The following ECHS1 variants were observed in gnomAD, a reference collection of about 807,000 sequenced individuals.
ECHS1 encodes the protein enoyl-CoA hydratase, short chain 1.
In ECHS1, 19 loss-of-function variants were observed where a neutral mutation model predicts 33.5. The observed-to-expected ratio is 0.57, with a 90% CI of 0.40 to 0.83. The LOEUF is 0.83. Among genes scored for constraint, ECHS1 ranks in the 40% least tolerant of loss-of-function variants. ECHS1 has a pLI of 0.00. For synonymous variants in ECHS1, 158 were observed against 146.6 expected, an observed-to-expected ratio of 1.08 and a Z score of -0.56; for missense variants, 365 against 381.3, an observed-to-expected ratio of 0.96 and a Z score of 0.36.
chr10:133,370,182 T>G, intron 2 of ECHS1, 151 bp from the exon 3 acceptor site: 1 of 1,127,208 alleles, frequency 8.9e-7, no homozygotes, highest in Non-Finnish European at 1.2e-6. Flanking sequence ...TGGACAGCTG[T>G]AGGGACGCTG....
chr10:133,368,366 C>T (rs74164167), intron 4 of ECHS1, among the ~76,000 whole-genome samples: 5,947 of 146,354 alleles, frequency 0.041, 317 homozygotes, highest in African/African-American at 0.13. Context: ...CAGAGGGCAG[C>T]GAAGGGCACC....
chr10:133,365,345 C>T (rs555137170), intron 6 of ECHS1, among the ~76,000 whole-genome samples: 114 of 152,340 alleles, frequency 7.5e-4, no homozygotes, highest in Admixed American at 2.2e-3. Flanking sequence ...GCCCGGGGGA[C>T]GGCCACACCC....
rs1285528536 is a variant in ECHS1 at position 133,370,542 on chromosome 10, C to T, written c.286+18G>A. 1 of 1,511,704 alleles carries T rather than the reference C, an allele frequency of 6.6e-7. No homozygotes were observed. The highest frequency in any genetic ancestry group is 2.2e-5 in the Admixed American group (1 of 44,606). The allele number at this position is 1,511,704 out of a possible 1,614,324, so 93.6% of individuals were successfully genotyped here. A position where few individuals can be genotyped will look rare whatever the true frequency, so the allele number is the denominator to read the frequency against. On this transcript the variant is annotated intron_variant, in intron 2 of 7. Transcript: ENST00000368547. The stretch of plus-strand genomic sequence containing the variant: ...CCCACATCTGCCCAGACACAAAGGC[C>T]TCTGCTGCCGCGCGTACCTGCAAAG...
intron 3 of ECHS1, among the ~76,000 whole-genome samples, chr10:133,369,349 GCA>G: frequency 6.7e-5 from 2 of 29,674 alleles, no homozygotes; most frequent in Non-Finnish European, 2.6e-4. Flanking sequence ...AACTCCATCC[GCA>G]GACCCCTGGC....
chr10:133,369,740 G>GTCC (rs1220143116), intron 3 of ECHS1, among the ~76,000 whole-genome samples, 164 bp downstream of exon 3: 2 of 152,156 alleles, frequency 1.3e-5, no homozygotes, highest in Non-Finnish European at 2.9e-5. Flanking sequence ...GCCAGGAGGT[G>GTCC]TCCTCTCCAC....
At position 133,369,953 on chromosome 10, in the gene ECHS1, T is replaced by C. The variant is rs769170809; in HGVS notation, c.365A>G (p.His122Arg). The change falls in exon 3 of 8, where the codon CAC becomes CGC. Residue 122 changes from histidine to arginine, a missense_variant. His to Arg is a conservative substitution (Grantham distance 29). Transcript: ENST00000368547. ...GACTGGCTTCTTGACCTGGGTGAGGTGGTCCCAGTGCTTCAAGAACTTGCT... is the reference window on the plus strand; with the variant it reads ...GACTGGCTTCTTGACCTGGGTGAGGCGGTCCCAGTGCTTCAAGAACTTGCT... The part of the protein sequence containing the change: ...YSSKFLKHWD[H>R]LTQVKKPVIA... The C allele has an allele frequency of 1.2e-6, 2 of 1,613,762 alleles. No homozygotes were observed. Among genetic ancestry groups the C allele is most frequent in the Admixed American group, 3.3e-5 (2 of 60,020 alleles).
intron 1 of ECHS1, among the ~76,000 whole-genome samples, chr10:133,372,767 T>A: frequency 2.8e-5 from 1 of 36,340 alleles, no homozygotes; most frequent in Non-Finnish European, 5.4e-5. Flanking sequence ...GGTCAGGCTG[T>A]GGGTGCGGGT....
At position 133,371,257 on chromosome 10, in the gene ECHS1, A is replaced by T. The variant is rs1449271544; in HGVS notation, c.89-500T>A. The stretch of plus-strand genomic sequence containing the variant: ...ATGCCACTGCACTCCAGCCTGGGTG[A>T]CAGAGTGAGACTCCGTCTCAAAAAA... On this transcript the variant is annotated intron_variant, in intron 1 of 7. Transcript: ENST00000368547. 2.0e-5 allele frequency among the ~76,000 whole-genome samples: 3 copies of T among 151,722 alleles called. No homozygotes were observed. In the East Asian group the frequency reaches 5.9e-4, roughly 30 times the overall value.
At chr10:133,367,029 T>C (rs767663186) in intron 4 of ECHS1, 36 bp from the exon 5 acceptor site, 2 of 1,541,518 alleles carry the variant, frequency 1.3e-6, no homozygotes, top group South Asian at 1.1e-5. Context: ...GGCACTGTGA[T>C]GAGTGAACCC....
At chr10:133,369,812 G>C in intron 3 of ECHS1, 92 bp downstream of exon 3, 2 of 1,513,752 alleles carry the variant, frequency 1.3e-6, no homozygotes, top group East Asian at 4.6e-5. Context: ...GGGAACTAAA[G>C]GCCTCTTCAA....
chr10:133,362,945 A>T lies in ECHS1; in HGVS notation c.808-12T>A. 6.2e-7 allele frequency: 1 copy of T among 1,613,978 alleles called. No individual in the cohort carries two copies. On this transcript the variant is annotated splice_polypyrimidine_tract_variant and intron_variant, in intron 7 of 7. Transcript: ENST00000368547. ...TCTTTCCGGTCATCCTGGCAGGAAA[A>T]GGAACAGAAACAGAGCTGGACGCGC... is the stretch of plus-strand genomic sequence containing the variant.
chr10:133,371,074 G>A (rs543665728), intron 1 of ECHS1, among the ~76,000 whole-genome samples: 78 of 152,292 alleles, frequency 5.1e-4, no homozygotes, highest in Middle Eastern at 3.4e-3. Flanking sequence ...TCAGGAGATC[G>A]AGACCATCCT....
At chr10:133,366,159 G>A in intron 5 of ECHS1, 64 bp from the exon 6 acceptor site, 3 of 1,571,156 alleles carry the variant, frequency 1.9e-6, no homozygotes, top group South Asian at 1.2e-5. Flanking sequence ...CTTCTCGAGT[G>A]AGTGGCCGCT....
In ECHS1 at chr10:133,362,874, G is replaced by T; in HGVS notation, c.867C>A (p.Asp289Glu). Residue 289 changes from aspartate (D) to glutamate (E), a missense_variant, in exon 8 of 8, where the codon GAC (aspartate) becomes GAA (glutamate). By Grantham distance (45) the Asp-to-Glu change is conservative. Transcript: ENST00000368547. Reference protein sequence around the residue: ...FVEKRKANFKDQ With the variant: ...FVEKRKANFKEQ Reference sequence around the variant, plus strand: ...AAGCAGGGGCAGCTGGTTCTCACTGGTCTTTGAAGTTGGCCTTTCTCTTTT... The same window carrying T: ...AAGCAGGGGCAGCTGGTTCTCACTGTTCTTTGAAGTTGGCCTTTCTCTTTT... 1.2e-6 allele frequency: 2 copies of T among 1,614,166 alleles called. No individual in the cohort carries two copies. Among genetic ancestry groups the T allele is most frequent in the South Asian group, 2.2e-5 (2 of 91,088 alleles).
chr10:133,372,661 C>T (rs1176616976), intron 1 of ECHS1, among the ~76,000 whole-genome samples: 1 of 146,714 alleles, frequency 6.8e-6, no homozygotes, highest in Non-Finnish European at 1.5e-5. Context: ...GTGAGAGTGG[C>T]CTCCTGCAGA....
Position 133,368,903 on chromosome 10 carries a change from G to C in ECHS1, c.514+20C>G. 6.2e-7 allele frequency: 1 copy of C among 1,608,448 alleles called. No individual in the cohort carries two copies. Among genetic ancestry groups the C allele is most frequent in the Non-Finnish European group, 8.5e-7 (1 of 1,175,296 alleles). ...GTAATTACCTAAGGCATCTATGCCA[G>C]AGACAGTGTCACTCTTTACCTGGGA... is the stretch of plus-strand genomic sequence containing the variant. On this transcript the variant is annotated intron_variant, in intron 4 of 7. Transcript: ENST00000368547.
chr10:133,370,268 G>A (rs1177761554), intron 2 of ECHS1, among the ~76,000 whole-genome samples: 4 of 152,246 alleles, frequency 2.6e-5, no homozygotes, highest in African/African-American at 7.2e-5. Context: ...GCCCACAGAG[G>A]CTAGGCATAT....
At chr10:133,365,928 C>A in intron 6 of ECHS1, 48 bp downstream of exon 6, 20 of 1,606,932 alleles carry the variant, frequency 1.2e-5, no homozygotes, top group Non-Finnish European at 1.5e-5. Context: ...AGGAATGCTC[C>A]TGACAGCCAC....
chr10:133,365,188 G>A (rs967165969), intron 6 of ECHS1, among the ~76,000 whole-genome samples: 20 of 152,204 alleles, frequency 1.3e-4, no homozygotes, highest in African/African-American at 2.7e-4. Flanking sequence ...ATCCAGGTGC[G>A]CAGATGGAGG....
Sources: allele counts gnomAD v4.1 joint callset (sites outside exome capture counted in the v4.1 genomes callset), GRCh38; gene constraint gnomAD v4.1.1; transcripts MANE v1.5; gene names NCBI Gene and HGNC (gene_info 2026-07-23, HGNC 2026-07-21).